Variants in RAF1 observed in about 807,000 individuals in gnomAD.
RAF1 encodes the protein RAF proto-oncogene serine/threonine-protein kinase.
In RAF1, 27 loss-of-function variants were observed where a neutral mutation model predicts 81.1. The ratio of observed to expected loss-of-function variants is 0.33; its 90% confidence interval spans 0.25 to 0.46. The LOEUF (loss-of-function observed/expected upper bound fraction) is 0.46. Ranked by LOEUF, RAF1 falls within the 20% of genes least tolerant of loss-of-function variation. The pLI, the probability that RAF1 is intolerant of heterozygous loss-of-function variation, is 1.00. For synonymous variants in RAF1, 298 were observed against 294.0 expected (o/e 1.01, Z -0.14); for missense variants, 598 against 826.0 (o/e 0.72, Z 3.38).
intron 4 of RAF1, 147 bp downstream of exon 4, chr3:12,609,086 C>G (rs563150620): frequency 9.9e-7 from 1 of 1,013,566 alleles, no homozygotes; most frequent in Non-Finnish European, 1.5e-6. Context: ...CTAATGAAAT[C>G]TAAATTGCCT....
intron 1 of RAF1, among the ~76,000 whole-genome samples, chr3:12,643,499 G>C (rs2060253057): frequency 6.6e-6 from 1 of 152,162 alleles, no homozygotes. Context: ...CCAGCACTTT[G>C]AGAGGCTGGG....
chr3:12,653,550 G>A (rs1230169743), intron 1 of RAF1, among the ~76,000 whole-genome samples: 1 of 152,068 alleles, frequency 6.6e-6, no homozygotes, highest in East Asian at 1.9e-4. Flanking sequence ...TTCGAGACCA[G>A]CCTGGCCAAC....
chr3:12,656,144 A>G (rs1353095616), intron 1 of RAF1, among the ~76,000 whole-genome samples: 1 of 146,318 alleles, frequency 6.8e-6, no homozygotes, highest in Non-Finnish European at 1.5e-5. Flanking sequence ...ACTAGATAAT[A>G]CTAGCCAGGG....
chr3:12,607,426 T>C (rs573786663), intron 5 of RAF1, among the ~76,000 whole-genome samples: 35 of 152,200 alleles, frequency 2.3e-4, no homozygotes, highest in South Asian at 4.1e-4. Context: ...GGCGGACAGA[T>C]TGCTTGAGCT....
chr3:12,605,366 C>A lies in RAF1; in HGVS notation c.680+835G>T, dbSNP rs1427453579. On this transcript the variant is annotated intron_variant, in intron 6 of 17. Coordinates refer to ENST00000442415, the MANE Select transcript of RAF1 (RefSeq NM_001354689.3). The stretch of plus-strand genomic sequence containing the variant: ...GCAGTGGTGCCATCTCAGCTCACTG[C>A]CTACCACGTTCAAGATTCTCCTGCT... Among the ~76,000 whole-genome samples the A allele has an allele frequency of 2.0e-5, 3 of 151,576 alleles. No homozygotes were observed. The East Asian group carries it at 5.8e-4, about 30-fold the overall frequency.
At chr3:12,648,611 T>C (rs1210123259) in intron 1 of RAF1, among the ~76,000 whole-genome samples, 2 of 152,158 alleles carry the variant, frequency 1.3e-5, no homozygotes, top group Non-Finnish European at 2.9e-5. Context: ...TAGCCGGATG[T>C]GGTGGTGCAC....
intron 1 of RAF1, among the ~76,000 whole-genome samples, chr3:12,653,428 G>A (rs1018044016): frequency 6.6e-6 from 1 of 152,126 alleles, no homozygotes; most frequent in Non-Finnish European, 1.5e-5. Flanking sequence ...GGTCTCTCCA[G>A]TACATTTCCT....
At chr3:12,661,825 G>A (rs1303079341) in intron 1 of RAF1, among the ~76,000 whole-genome samples, 6 of 151,972 alleles carry the variant, frequency 3.9e-5, no homozygotes, top group African/African-American at 9.7e-5. Context: ...GAATCCCCAG[G>A]AATATATGAG....
intron 13 of RAF1, 38 bp from the exon 13 acceptor site, chr3:12,587,675 G>A (rs1328353225): frequency 6.5e-7 from 1 of 1,548,598 alleles, no homozygotes; most frequent in Non-Finnish European, 8.9e-7. Context: ...ATAAGTTTGA[G>A]GGGCATGAGT....
intron 11 of RAF1, chr3:12,592,003 C>A: frequency 1.7e-6 from 1 of 595,768 alleles, no homozygotes. Flanking sequence ...GCCTTGACCT[C>A]CAGGGCTTAA....
chr3:12,647,365 T>C (rs947704220), intron 1 of RAF1, among the ~76,000 whole-genome samples: 3 of 150,216 alleles, frequency 2.0e-5, no homozygotes, highest in South Asian at 2.1e-4. Flanking sequence ...CTTTGAGAGG[T>C]TGAGGCAAGC....
chr3:12,585,530 G>A, intron 15 of RAF1, 151 bp downstream of exon 14: 1 of 1,408,046 alleles, frequency 7.1e-7, no homozygotes, highest in Non-Finnish European at 9.7e-7. Context: ...GCTTCCTCAA[G>A]AAAATCTACA....
At chr3:12,587,198 C>T (rs2058357055) in intron 14 of RAF1, 1 of 210,602 alleles carries the variant, frequency 4.7e-6, no homozygotes, top group Non-Finnish European at 9.6e-6. Flanking sequence ...ACTTGCTATC[C>T]ACATAACAAG....
chr3:12,606,060 G>C, intron 6 of RAF1, 141 bp downstream of exon 6: 1 of 649,410 alleles, frequency 1.5e-6, no homozygotes, highest in Non-Finnish European at 2.8e-6. Flanking sequence ...TGTACCACCA[G>C]TATCAAGTTC....
At chr3:12,602,942 A>C (rs1362749424) in intron 8 of RAF1, among the ~76,000 whole-genome samples, 1 of 152,232 alleles carries the variant, frequency 6.6e-6, no homozygotes, top group African/African-American at 2.4e-5. Flanking sequence ...TTTGGTTACT[A>C]ATGTATAAAC....
intron 1 of RAF1, among the ~76,000 whole-genome samples, chr3:12,632,636 C>T (rs1238340292): frequency 2.0e-5 from 3 of 152,108 alleles, no homozygotes; most frequent in Admixed American, 2.0e-4. Flanking sequence ...TTTTTATACC[C>T]CTTTGACAAA....
At chr3:12,587,319 G>T in intron 14 of RAF1, 1 of 513,694 alleles carries the variant, frequency 1.9e-6, no homozygotes, top group Non-Finnish European at 3.5e-6. Context: ...CCTATTTCAA[G>T]CTTACGGAAA....
chr3:12,643,005 A>G (rs951802598), intron 1 of RAF1, among the ~76,000 whole-genome samples: 1 of 152,170 alleles, frequency 6.6e-6, no homozygotes, highest in African/African-American at 2.4e-5. Context: ...ATGAAGAAAG[A>G]GAAGAACAGA....
At chr3:12,586,260 T>G (rs1051147357) in intron 14 of RAF1, among the ~76,000 whole-genome samples, 2 of 152,164 alleles carry the variant, frequency 1.3e-5, no homozygotes, top group Non-Finnish European at 2.9e-5. Flanking sequence ...GTTAACAAAA[T>G]AGCAAATCCC....
Sources: allele counts gnomAD v4.1 joint callset (sites outside exome capture counted in the v4.1 genomes callset), GRCh38; gene constraint gnomAD v4.1.1; transcripts MANE v1.5; gene names NCBI Gene and HGNC (gene_info 2026-07-23, HGNC 2026-07-21).